Variants in ABTB2 observed in about 807,000 individuals in gnomAD.
ABTB2 encodes ankyrin repeat and BTB/POZ domain-containing protein 2.
A neutral mutation model predicts 104.1 loss-of-function variants in ABTB2; 56 were observed. The ratio of observed to expected loss-of-function variants is 0.54; its 90% confidence interval spans 0.43 to 0.67. The LOEUF (loss-of-function observed/expected upper bound fraction) is 0.67, where lower values mean the gene tolerates loss of function less well. Among genes scored for constraint, ABTB2 ranks in the 30% least tolerant of loss-of-function variants. ABTB2 has a pLI of 0.00. For synonymous variants in ABTB2, 606 were observed against 608.2 expected, an observed-to-expected ratio of 1.00 and a Z score of 0.05; for missense variants, 1,279 against 1,407.7, an observed-to-expected ratio of 0.91 and a Z score of 1.46.
At chr11:34,176,363 T>C (rs1203250389) in intron 3 of ABTB2, among the ~76,000 whole-genome samples, 1 of 151,218 alleles carries the variant, frequency 6.6e-6, no homozygotes, top group African/African-American at 2.4e-5. Context: ...GCAATAGCCA[T>C]GAATGCATGT....
At chr11:34,279,049 T>C (rs1854419091) in intron 1 of ABTB2, among the ~76,000 whole-genome samples, 2 of 152,212 alleles carry the variant, frequency 1.3e-5, no homozygotes, top group Admixed American at 6.5e-5. Context: ...TCTGCACAGG[T>C]GTTTCGTTTT....
At chr11:34,238,543 T>A (rs1170695467) in intron 1 of ABTB2, among the ~76,000 whole-genome samples, 1 of 152,204 alleles carries the variant, frequency 6.6e-6, no homozygotes, top group African/African-American at 2.4e-5. Flanking sequence ...GACTTATTCA[T>A]GTGCATTTGA....
chr11:34,156,546 A>G (rs1346613205), intron 14 of ABTB2, among the ~76,000 whole-genome samples: 1 of 149,514 alleles, frequency 6.7e-6, no homozygotes, highest in Non-Finnish European at 1.5e-5. Flanking sequence ...TTTTTGAGAC[A>G]GAGTTTCGCT....
At chr11:34,226,339 T>A (rs983432088) in intron 1 of ABTB2, among the ~76,000 whole-genome samples, 1 of 151,994 alleles carries the variant, frequency 6.6e-6, no homozygotes, top group Non-Finnish European at 1.5e-5. Flanking sequence ...CTGGAAGGGA[T>A]GTTTTAAAAG....
intron 1 of ABTB2, among the ~76,000 whole-genome samples, chr11:34,292,391 C>T (rs1456769386): frequency 6.6e-6 from 1 of 151,250 alleles, no homozygotes; most frequent in African/African-American, 2.5e-5. Context: ...AGCTAGTTTT[C>T]CTCGGGTTCT....
At chr11:34,274,171 A>AG in intron 1 of ABTB2, among the ~76,000 whole-genome samples, 1 of 150,422 alleles carries the variant, frequency 6.6e-6, no homozygotes, top group Non-Finnish European at 1.5e-5. Context: ...AAAAAAAAAA[A>AG]AAAAAAAAAA....
chr11:34,306,375 T>C (rs1412196298), intron 1 of ABTB2, among the ~76,000 whole-genome samples: 4 of 149,116 alleles, frequency 2.7e-5, no homozygotes, highest in African/African-American at 7.4e-5. Flanking sequence ...GCCTCCTGAG[T>C]AACTGGGATT....
rs185145222 is a variant in ABTB2, at chr11:34,201,240, C to T, written c.1030+3304G>A. Among the ~76,000 whole-genome samples the T allele has an allele frequency of 4.3e-3, 652 of 151,844 alleles. 4 individuals carry two copies. Among genetic ancestry groups the T allele is most frequent in the Non-Finnish European group, 7.5e-3 (511 of 67,944 alleles). ...ACCTTAGTCTGAAGCCCAGAAACACCCCCCAGGCAAGGAAAAACAAGTCCT... is the reference window on the plus strand; with the variant it reads ...ACCTTAGTCTGAAGCCCAGAAACACTCCCCAGGCAAGGAAAAACAAGTCCT... On this transcript the variant is annotated intron_variant, in intron 2 of 16. Transcript: ENST00000435224.
chr11:34,160,451 G>A, intron 11 of ABTB2, 98 bp from the exon 12 acceptor site: 1 of 818,612 alleles, frequency 1.2e-6, no homozygotes. Context: ...CAGGCCAGGA[G>A]TAGTGCAGCC....
At chr11:34,224,237 T>G (rs1009420459) in intron 1 of ABTB2, among the ~76,000 whole-genome samples, 2 of 152,174 alleles carry the variant, frequency 1.3e-5, no homozygotes, top group Non-Finnish European at 2.9e-5. Context: ...ACTCAACTCC[T>G]GGACTCAAGC....
intron 1 of ABTB2, among the ~76,000 whole-genome samples, chr11:34,271,228 T>G (rs1854310436): frequency 6.6e-6 from 1 of 152,186 alleles, no homozygotes; most frequent in Admixed American, 6.5e-5. Flanking sequence ...TAAATTGAAC[T>G]TGATGACACC....
intron 1 of ABTB2, among the ~76,000 whole-genome samples, chr11:34,263,936 T>A (rs1032150844): frequency 6.6e-6 from 1 of 152,104 alleles, no homozygotes; most frequent in Non-Finnish European, 1.5e-5. Flanking sequence ...ACAAGGCTGG[T>A]GTGTGTGAGT....
intron 16 of ABTB2, among the ~76,000 whole-genome samples, chr11:34,153,541 A>AGAG (rs1339960691): frequency 6.6e-6 from 1 of 152,156 alleles, no homozygotes; most frequent in Non-Finnish European, 1.5e-5. Flanking sequence ...GCTAGTTTGT[A>AGAG]GAGGCAGGTT....
At chr11:34,172,418 A>ATGTGTGTGTG (rs1554980673) in intron 4 of ABTB2, among the ~76,000 whole-genome samples, 1 of 84,230 alleles carries the variant, frequency 1.2e-5, no homozygotes, top group East Asian at 2.7e-4. Flanking sequence ...ATATATATAT[A>ATGTGTGTGTG]TGTGTGTGTG....
chr11:34,192,276 G>C (rs1853186093), intron 3 of ABTB2, among the ~76,000 whole-genome samples: 1 of 152,186 alleles, frequency 6.6e-6, no homozygotes, highest in Non-Finnish European at 1.5e-5. Context: ...CTGGGAGACA[G>C]AGCAAGACCC....
chr11:34,163,531 C>T (rs1293887839), intron 9 of ABTB2, among the ~76,000 whole-genome samples: 3 of 152,188 alleles, frequency 2.0e-5, no homozygotes, highest in Non-Finnish European at 2.9e-5. Flanking sequence ...GGCTCCAAGA[C>T]CCAGGCTCAT....
chr11:34,314,884 AC>A (rs374666234), intron 1 of ABTB2, among the ~76,000 whole-genome samples: 259 of 152,292 alleles, frequency 1.7e-3, no homozygotes, highest in African/African-American at 5.8e-3. Flanking sequence ...CATGAGGCTA[AC>A]CCTGTTCTGA....
At chr11:34,336,923 T>C (rs934016576) in intron 1 of ABTB2, among the ~76,000 whole-genome samples, 1 of 152,090 alleles carries the variant, frequency 6.6e-6, no homozygotes, top group Non-Finnish European at 1.5e-5. Context: ...TCCACAACTA[T>C]CATATGAGGG....
intron 1 of ABTB2, among the ~76,000 whole-genome samples, chr11:34,317,489 T>C (rs1019721958): frequency 1.3e-5 from 2 of 152,066 alleles, no homozygotes; most frequent in African/African-American, 4.8e-5. Flanking sequence ...AAATTAAGAA[T>C]GGGCCAGGCA....
Sources: gnomAD v4.1 joint callset for allele counts (sites outside exome capture counted in the v4.1 genomes callset) on GRCh38, gnomAD v4.1.1 for gene constraint, MANE v1.5 for transcripts, NCBI Gene and HGNC (gene_info 2026-07-23, HGNC 2026-07-21) for gene names.